GPAM: variants seen among roughly 807,000 people sequenced by gnomAD.
GPAM encodes glycerol-3-phosphate acyltransferase 1, mitochondrial.
A neutral mutation model predicts 105.0 loss-of-function variants in GPAM; 56 were observed. That is an observed-to-expected ratio of 0.53 (90% confidence interval 0.43 to 0.67). The LOEUF is 0.67. Ranked by LOEUF, GPAM falls within the 30% of genes least tolerant of loss-of-function variation. The pLI, the probability that GPAM is intolerant of heterozygous loss-of-function variation, is 0.00. For synonymous variants in GPAM, 368 were observed against 354.4 expected (o/e 1.04, Z -0.43); for missense variants, 855 against 989.8 (o/e 0.86, Z 1.83).
the GPAM span, among the ~76,000 whole-genome samples, chr10:112,224,188 T>C: frequency 2.0e-5 from 3 of 152,204 alleles, no homozygotes; most frequent in African/African-American, 7.2e-5. Context: ...TTGAAAAGTA[T>C]AAAGTATTCC....
chr10:112,200,111 A>G (rs1656570391), intron 1 of GPAM, among the ~76,000 whole-genome samples: 1 of 149,896 alleles, frequency 6.7e-6, no homozygotes, highest in Non-Finnish European at 1.5e-5. Context: ...AGACAGGAGT[A>G]CATATTTACA....
chr10:112,222,949 G>A, the GPAM span, among the ~76,000 whole-genome samples: 5 of 152,024 alleles, frequency 3.3e-5, no homozygotes, highest in African/African-American at 4.8e-5. Context: ...ACAGCCTCTC[G>A]GTGCTGTCCT....
In GPAM at chr10:112,183,721, G is replaced by A. The variant is rs569254424; in HGVS notation, c.-156C>T. 2.6e-5 allele frequency: 4 copies of A among 152,528 alleles called. No individual in the cohort carries two copies. The highest frequency in any genetic ancestry group is 6.5e-5 in the Admixed American group (1 of 15,308). 9.4% of individuals were successfully genotyped at this position (152,528 alleles called of 1,614,324 possible). On this transcript the variant is annotated 5_prime_UTR_variant, in exon 1 of 22. Coordinates refer to ENST00000348367, the MANE Select transcript of GPAM (RefSeq NM_001244949.2). ...AGCAGCTCCAGCTTCGGCTGCTGCA[G>A]AAGCCCGCACTTCCAGTCCCGGCCA...
chr10:112,199,302 A>G (rs1374628592), intron 1 of GPAM, among the ~76,000 whole-genome samples: 1 of 152,222 alleles, frequency 6.6e-6, no homozygotes, highest in Non-Finnish European at 1.5e-5. Flanking sequence ...AGGCACAGAC[A>G]GACAAATATG....
intron 1 of GPAM, among the ~76,000 whole-genome samples, chr10:112,203,546 T>C (rs1847824030): frequency 6.6e-6 from 1 of 152,208 alleles, no homozygotes; most frequent in Admixed American, 6.5e-5. Context: ...AGTAACAGAA[T>C]GAGTCAACCT....
At position 112,151,481 on chromosome 10, in the gene GPAM, T is replaced by A. The variant is rs1165595922; in HGVS notation, c.*2069A>T. The A allele has an allele frequency of 1.4e-5, 14 of 985,706 alleles. No individual in the cohort carries two copies. Among genetic ancestry groups the A allele is most frequent in the Non-Finnish European group, 1.6e-5 (13 of 829,894 alleles). The allele number at this position is 985,706 out of a possible 1,614,324, so 61.1% of individuals were successfully genotyped here. On this transcript the variant is annotated 3_prime_UTR_variant, in exon 22 of 22. Transcript: ENST00000348367. ...ACCAGTTAATTACAAAAAGCATGCA[T>A]ATTTATCCTCACAGTGAGTTAAGTG...
intron 16 of GPAM, 136 bp downstream of exon 16, chr10:112,160,468 C>A: frequency 8.3e-7 from 1 of 1,200,748 alleles, no homozygotes; most frequent in Non-Finnish European, 1.2e-6. Context: ...ATTACATTTT[C>A]GTTTGAAAAC....
At chr10:112,160,934 A>G in intron 15 of GPAM, 66 bp from the exon 16 acceptor site, 5 of 1,379,442 alleles carry the variant, frequency 3.6e-6, no homozygotes. Flanking sequence ...TGAGAGGCCA[A>G]CATTCCAAGA....
At chr10:112,199,786 TC>T (rs933954364) in intron 1 of GPAM, among the ~76,000 whole-genome samples, 1 of 152,044 alleles carries the variant, frequency 6.6e-6, no homozygotes, top group African/African-American at 2.4e-5. Flanking sequence ...GCAGGGGAAC[TC>T]CCATTTATAA....
the GPAM span, among the ~76,000 whole-genome samples, chr10:112,220,878 A>ACG: frequency 1.3e-5 from 2 of 152,078 alleles, no homozygotes; most frequent in East Asian, 3.9e-4. Context: ...ACACACACAC[A>ACG]CACACGTCAA....
the GPAM span, among the ~76,000 whole-genome samples, chr10:112,221,266 C>T: frequency 6.6e-6 from 1 of 152,094 alleles, no homozygotes. Context: ...ACATAATATG[C>T]ACTTGCTTAC....
chr10:112,156,158 C>T, intron 19 of GPAM, 105 bp from the exon 20 acceptor site: 3 of 754,796 alleles, frequency 4.0e-6, no homozygotes, highest in South Asian at 3.0e-5. Flanking sequence ...GAGAAGATGG[C>T]CACTCACATC....
At chr10:112,175,755 A>G (rs557090161) in intron 5 of GPAM, 42 bp from the exon 6 acceptor site, 1 of 1,191,658 alleles carries the variant, frequency 8.4e-7, no homozygotes, top group South Asian at 1.2e-5. Context: ...AGGTACCCCT[A>G]AAACAAGTTG....
Position 112,157,394 on chromosome 10 carries a change from G to A in GPAM, c.1981-5C>T, listed in dbSNP as rs1433092498. 6.2e-7 allele frequency: 1 copy of A among 1,613,414 alleles called. No homozygotes were observed. Among genetic ancestry groups the A allele is most frequent in the South Asian group, 1.1e-5 (1 of 91,060 alleles). On this transcript the variant is annotated splice_polypyrimidine_tract_variant and splice_region_variant and intron_variant, in intron 18 of 21. Coordinates refer to ENST00000348367, the MANE Select transcript of GPAM (RefSeq NM_001244949.2). ...GATATCTTCCTGGTCATCGTGCTAG[G>A]CCAAGGAGATGATGGATAGTAAATA...
At chr10:112,199,959 T>C (rs1424804547) in intron 1 of GPAM, among the ~76,000 whole-genome samples, 1 of 151,906 alleles carries the variant, frequency 6.6e-6, no homozygotes, top group Non-Finnish European at 1.5e-5. Flanking sequence ...CATATAAGTA[T>C]ACATATCAAA....
intron 17 of GPAM, among the ~76,000 whole-genome samples, chr10:112,159,010 A>T (rs896911583): frequency 2.0e-5 from 3 of 152,156 alleles, no homozygotes; most frequent in Non-Finnish European, 4.4e-5. Context: ...CTCAAGACAC[A>T]TTCATACAAA....
chr10:112,197,112 A>C (rs1179962148), intron 1 of GPAM, among the ~76,000 whole-genome samples: 2 of 152,176 alleles, frequency 1.3e-5, no homozygotes, highest in Admixed American at 1.3e-4. Context: ...AGTTCATTTA[A>C]ATTTCTAGGT....
intron 15 of GPAM, 143 bp from the exon 16 acceptor site, chr10:112,161,011 A>G: frequency 1.4e-6 from 1 of 709,106 alleles, no homozygotes; most frequent in Admixed American, 2.3e-5. Context: ...CCAGAACACC[A>G]ATGCAGAGCG....
Position 112,197,241 on chromosome 10 carries a change from T to C in GPAM, n.211-14350A>G, listed in dbSNP as rs1847734195. On this transcript the variant is annotated intron_variant and non_coding_transcript_variant, in intron 1 of 3. Coordinates refer to the GPAM transcript ENST00000480130. ...ATTTTAACCTCCCAGAGATAAAGTT[T>C]CATTGACTTTAAGCTCCACAATGTT... Among the ~76,000 whole-genome samples, 11 of 152,200 alleles carry C rather than the reference T, an allele frequency of 7.2e-5. No homozygotes were observed. The South Asian group carries it at 2.3e-3, about 31-fold the overall frequency.
Sources: allele counts gnomAD v4.1 joint callset (sites outside exome capture counted in the v4.1 genomes callset), GRCh38; gene constraint gnomAD v4.1.1; transcripts MANE v1.5; gene names NCBI Gene and HGNC (gene_info 2026-07-23, HGNC 2026-07-21).